The following CDKL5 variants were observed in gnomAD, a reference collection of about 807,000 sequenced individuals.
CDKL5 encodes cyclin dependent kinase like 5, also known as cyclin-dependent kinase-like 5.
CDKL5 carries 8 observed loss-of-function variants against 61.7 expected under a neutral mutation model. The ratio of observed to expected loss-of-function variants is 0.13; its 90% confidence interval spans 0.08 to 0.23. CDKL5 has a LOEUF of 0.23. Ranked by LOEUF, CDKL5 falls within the 10% of genes least tolerant of loss-of-function variation. CDKL5 has a pLI of 1.00. For missense variants in CDKL5, 440 were observed against 734.5 expected (o/e 0.60, Z 4.63); for synonymous variants, 275 against 272.3 (o/e 1.01, Z -0.10).
rs1416348491 is a variant in CDKL5 at position 18,554,139 on chromosome X, A to C, written c.100-10338A>C. On this transcript the variant is annotated intron_variant, in intron 3 of 17. Transcript: ENST00000623535. ...GTGCAGGTTTGTTACATATGTATAC[A>C]TGTGCCATGTTGGTGTGCTGTACCC... Among the ~76,000 whole-genome samples, 5 of 107,031 alleles carry C rather than the reference A, an allele frequency of 4.7e-5. No homozygotes were observed. In the Admixed American group the frequency reaches 5.0e-4, roughly 11 times the overall value. 92.9% of individuals were successfully genotyped at this position (107,031 alleles called of 115,157 possible).
rs774939364 is a variant in CDKL5 at position 18,651,279 on chromosome X, GAGAGAGAGACAGAGAGACAC to G, written c.2980+704_2980+723del. ...TGTGTGTGTGTGAGAGAGAGAGAGA[GAGAGAGAGACAGAGAGACAC>G]AGAGAGAGACAGAGAGGGATGTGAG... On this transcript the variant is annotated intron_variant, in intron 21 of 21. Coordinates refer to the CDKL5 transcript ENST00000379989. Among the ~76,000 whole-genome samples the G allele has an allele frequency of 7.1e-4, 77 of 108,954 alleles. 1 individual carries two copies. In the East Asian group the frequency reaches 0.021, roughly 29 times the overall value. 94.6% of individuals were successfully genotyped at this position (108,954 alleles called of 115,157 possible). A position where few individuals can be genotyped will look rare whatever the true frequency, so the allele number is the denominator to read the frequency against.
intron 8 of CDKL5, among the ~76,000 whole-genome samples, chrX:18,587,508 T>C (rs755401828): frequency 8.9e-6 from 1 of 112,197 alleles, no homozygotes; most frequent in African/African-American, 3.2e-5. Context: ...CATAAATCAG[T>C]ACATAGTAAA....
chrX:18,453,730 T>C (rs1387509125), intron 1 of CDKL5, among the ~76,000 whole-genome samples: 2 of 111,875 alleles, frequency 1.8e-5, no homozygotes, highest in Non-Finnish European at 3.8e-5. Context: ...TCACATACTT[T>C]GACTTATTTC....
In CDKL5 at chrX:18,523,704, G is replaced by T. The variant is rs774739084; in HGVS notation, c.99+12850G>T. On this transcript the variant is annotated intron_variant, in intron 3 of 17. Transcript: ENST00000623535. ...CTCATCTGCCATGGATATGATATGT[G>T]GGGGGAGAATGTACACCACATTTTG... Among the ~76,000 whole-genome samples, 190 of 111,611 alleles carry T rather than the reference G, an allele frequency of 1.7e-3. 1 individual carries two copies. The highest frequency in any genetic ancestry group is 5.8e-3 in the African/African-American group (178 of 30,721).
At chrX:18,512,828 A>T (rs746716783) in intron 3 of CDKL5, among the ~76,000 whole-genome samples, 22 of 111,439 alleles carry the variant, frequency 2.0e-4, no homozygotes, top group South Asian at 1.5e-3. Context: ...GCTTAAAAAA[A>T]ATTCCTGGGT....
chrX:18,509,197 G>GCACACACA (rs60516677), intron 2 of CDKL5, among the ~76,000 whole-genome samples: 2,456 of 64,239 alleles, frequency 0.038, 111 homozygotes, highest in Middle Eastern at 0.047. Flanking sequence ...CTCAAAACAC[G>GCACACACA]CACACACACA....
At chrX:18,478,386 G>T (rs774001022) in intron 1 of CDKL5, among the ~76,000 whole-genome samples, 56 of 105,400 alleles carry the variant, frequency 5.3e-4, no homozygotes, top group African/African-American at 1.8e-3. Context: ...TGCCTCCCGG[G>T]TTCAAGTGAT....
Position 18,610,738 on chromosome X carries a change from G to C in CDKL5, c.2152+1168G>C, listed in dbSNP as rs145632469. On this transcript the variant is annotated intron_variant, in intron 14 of 17. Transcript: ENST00000623535. The stretch of plus-strand genomic sequence containing the variant: ...TTTAGTAACTATGCAGTAATAGATT[G>C]TAAAGCCCTTGGGCATTCCAACACC... 6.6e-3 allele frequency among the ~76,000 whole-genome samples: 743 copies of C among 112,574 alleles called. 6 individuals carry two copies. The highest frequency in any genetic ancestry group is 0.022 in the African/African-American group (686 of 31,009).
intron 17 of CDKL5, among the ~76,000 whole-genome samples, chrX:18,627,941 C>G (rs1328471424): frequency 4.5e-5 from 5 of 111,474 alleles, no homozygotes; most frequent in Non-Finnish European, 9.4e-5. Flanking sequence ...TTCAGCTTCT[C>G]TTGCTGCTAG....
At chrX:18,624,484 G>A (rs1926977810) in intron 16 of CDKL5, among the ~76,000 whole-genome samples, 2 of 111,841 alleles carry the variant, frequency 1.8e-5, no homozygotes, top group Admixed American at 9.5e-5. Flanking sequence ...TTAAAACCAG[G>A]GCTTTTGCTT....
chrX:18,595,601 G>A (rs1297639227), intron 10 of CDKL5, among the ~76,000 whole-genome samples, 173 bp downstream of exon 10: 2 of 111,779 alleles, frequency 1.8e-5, no homozygotes, highest in Admixed American at 9.5e-5. Flanking sequence ...AATTACAATG[G>A]GATCTGGTAT....
chrX:18,560,622 G>C (rs1318686571), intron 3 of CDKL5, among the ~76,000 whole-genome samples: 3 of 111,777 alleles, frequency 2.7e-5, no homozygotes, highest in Non-Finnish European at 5.6e-5. Context: ...CAAAAACTTA[G>C]TACAAGACTA....
chrX:18,543,696 G>T (rs1283858393), intron 3 of CDKL5, among the ~76,000 whole-genome samples: 1 of 111,890 alleles, frequency 8.9e-6, no homozygotes, highest in Non-Finnish European at 1.9e-5. Flanking sequence ...TGACCCTTGG[G>T]TCTGCAGATA....
At chrX:18,542,174 T>C (rs1018876339) in intron 3 of CDKL5, among the ~76,000 whole-genome samples, 1 of 111,537 alleles carries the variant, frequency 9.0e-6, no homozygotes, top group Non-Finnish European at 1.9e-5. Context: ...TCCACCTCCA[T>C]TGACACCCAC....
chrX:18,498,556 G>A (rs779418448), intron 1 of CDKL5, among the ~76,000 whole-genome samples: 2 of 111,631 alleles, frequency 1.8e-5, no homozygotes, highest in East Asian at 2.8e-4. Context: ...TCTGATATAT[G>A]CATATAAGAT....
At chrX:18,478,286 C>CTTT (rs199921816) in intron 1 of CDKL5, among the ~76,000 whole-genome samples, 1 of 64,917 alleles carries the variant, frequency 1.5e-5, no homozygotes, top group Non-Finnish European at 2.7e-5. Context: ...CTTTTCTTTC[C>CTTT]TTTTTTTTTT....
At chrX:18,556,814 CGGA>C (rs775633746) in intron 3 of CDKL5, among the ~76,000 whole-genome samples, 144 of 87,070 alleles carry the variant, frequency 1.7e-3, no homozygotes, top group African/African-American at 6.3e-3. Flanking sequence ...ATCTGGGAGG[CGGA>C]GGTTGAAGTG....
At chrX:18,546,303 C>T (rs1166380244) in intron 3 of CDKL5, among the ~76,000 whole-genome samples, 1 of 103,207 alleles carries the variant, frequency 9.7e-6, no homozygotes, top group Non-Finnish European at 2.0e-5. Flanking sequence ...CTCTTGTCGC[C>T]CAAGCTGGAG....
At chrX:18,497,816 CT>C (rs1922233175) in intron 1 of CDKL5, among the ~76,000 whole-genome samples, 1 of 108,471 alleles carries the variant, frequency 9.2e-6, no homozygotes, top group Admixed American at 1.0e-4. Context: ...TTCTCTTTCC[CT>C]TTCTTCCTTC....
Sources: gnomAD v4.1 joint callset for allele counts (sites outside exome capture counted in the v4.1 genomes callset) on GRCh38, gnomAD v4.1.1 for gene constraint, MANE v1.5 for transcripts, NCBI Gene and HGNC (gene_info 2026-07-23, HGNC 2026-07-21) for gene names.